The following IMMP2L variants were observed in gnomAD, a reference collection of about 807,000 sequenced individuals.
IMMP2L encodes the protein inner mitochondrial membrane peptidase subunit 2.
IMMP2L carries 18 observed loss-of-function variants against 19.3 expected under a neutral mutation model. The ratio of observed to expected loss-of-function variants is 0.93; its 90% CI spans 0.64 to 1.38. The LOEUF (loss-of-function observed/expected upper bound fraction) is 1.38, where lower values mean the gene tolerates loss of function less well. Ranked by LOEUF, IMMP2L falls within the 40% of genes most tolerant of loss-of-function variation. IMMP2L has a pLI of 0.00. For synonymous variants in IMMP2L, 76 were observed against 73.0 expected (o/e 1.04, Z -0.21); for missense variants, 233 against 218.2 (o/e 1.07, Z -0.43).
chr7:111,101,396 T>C (rs1563242991), intron 3 of IMMP2L, among the ~76,000 whole-genome samples: 2 of 151,416 alleles, frequency 1.3e-5, no homozygotes, highest in Admixed American at 6.6e-5. Flanking sequence ...CAAACTCACT[T>C]GGGTACTTTT....
At chr7:110,932,309 T>A (rs1235874266) in intron 4 of IMMP2L, among the ~76,000 whole-genome samples, 2 of 152,210 alleles carry the variant, frequency 1.3e-5, no homozygotes, top group Non-Finnish European at 2.9e-5. Context: ...CTGAAATCGC[T>A]GCTTCAGAAT....
chr7:111,355,845 T>C (rs1326961114), intron 3 of IMMP2L, among the ~76,000 whole-genome samples: 1 of 152,020 alleles, frequency 6.6e-6, no homozygotes, highest in Non-Finnish European at 1.5e-5. Context: ...TTAATAGTGC[T>C]CTTTAAGTTA....
Position 110,780,889 on chromosome 7 carries a change from G to A in IMMP2L, c.408+105704C>T, listed in dbSNP as rs1799692202. The stretch of plus-strand genomic sequence containing the variant: ...TCATTATTTGCACTCCCTGTCTTGT[G>A]AGTTCAGCAGCTGCATGAGAGAGCA... On this transcript the variant is annotated intron_variant, in intron 5 of 5. Transcript: ENST00000405709. Among the ~76,000 whole-genome samples, 2 of 151,988 alleles carry A rather than the reference G, an allele frequency of 1.3e-5. 1 individual carries two copies. Among genetic ancestry groups the A allele is most frequent in the Admixed American group, 1.3e-4 (2 of 15,226 alleles).
At chr7:110,736,990 A>G (rs1796675538) in intron 5 of IMMP2L, among the ~76,000 whole-genome samples, 1 of 152,140 alleles carries the variant, frequency 6.6e-6, no homozygotes. Context: ...GCGGAATGCT[A>G]CGGTTTGAAT....
At chr7:110,897,841 T>C (rs2129546855) in intron 4 of IMMP2L, among the ~76,000 whole-genome samples, 1 of 152,286 alleles carries the variant, frequency 6.6e-6, no homozygotes, top group South Asian at 2.1e-4. Flanking sequence ...TGATATGATT[T>C]ATCCTTTGTA....
intron 3 of IMMP2L, among the ~76,000 whole-genome samples, chr7:111,236,961 C>T (rs111876315): frequency 6.6e-6 from 1 of 152,188 alleles, no homozygotes; most frequent in Non-Finnish European, 1.5e-5. Context: ...GTTCCTGTAA[C>T]CCCATCTAGG....
At chr7:111,158,340 A>G (rs538529670) in intron 3 of IMMP2L, among the ~76,000 whole-genome samples, 1 of 152,182 alleles carries the variant, frequency 6.6e-6, no homozygotes, top group Non-Finnish European at 1.5e-5. Flanking sequence ...TACCAAATAA[A>G]CTCAACACTA....
intron 3 of IMMP2L, among the ~76,000 whole-genome samples, chr7:111,419,488 T>C (rs961045153): frequency 4.6e-5 from 7 of 151,758 alleles, no homozygotes; most frequent in African/African-American, 1.7e-4. Context: ...AAGTCACTCC[T>C]CTGCTCACTG....
At chr7:111,031,798 T>A (rs1225881997) in intron 3 of IMMP2L, among the ~76,000 whole-genome samples, 1 of 152,122 alleles carries the variant, frequency 6.6e-6, no homozygotes, top group Non-Finnish European at 1.5e-5. Context: ...GCAAACATTA[T>A]TTCAGCCAGG....
chr7:110,933,162 AC>A (rs754269820), intron 4 of IMMP2L, among the ~76,000 whole-genome samples: 1 of 152,204 alleles, frequency 6.6e-6, no homozygotes, highest in East Asian at 1.9e-4. Flanking sequence ...AGAGAAACAG[AC>A]CTAAAGGAAG....
chr7:110,929,663 T>C (rs1213444562), intron 4 of IMMP2L, among the ~76,000 whole-genome samples: 1 of 152,174 alleles, frequency 6.6e-6, no homozygotes, highest in African/African-American at 2.4e-5. Flanking sequence ...CTTTGCATAA[T>C]TCAACAAGGT....
intron 4 of IMMP2L, chr7:110,963,124 AT>A: frequency 6.7e-7 from 1 of 1,492,188 alleles, no homozygotes. Context: ...TAGTTTCTGC[AT>A]TTGCTTCTAA....
chr7:110,947,038 T>A (rs1817326593), intron 4 of IMMP2L, among the ~76,000 whole-genome samples: 1 of 152,116 alleles, frequency 6.6e-6, no homozygotes, highest in Admixed American at 6.6e-5. Flanking sequence ...TTTTTTAAAA[T>A]GGACAATTCT....
intron 3 of IMMP2L, among the ~76,000 whole-genome samples, chr7:111,233,599 G>A (rs1813955424): frequency 6.6e-6 from 1 of 152,074 alleles, no homozygotes; most frequent in South Asian, 2.1e-4. Context: ...GGGAGTAAAT[G>A]TTATTAATTG....
Position 111,322,609 on chromosome 7 carries a change from T to A in IMMP2L, c.239+164629A>T, listed in dbSNP as rs962484557. 5.3e-5 allele frequency among the ~76,000 whole-genome samples: 8 copies of A among 151,324 alleles called. No homozygotes were observed. In the Admixed American group the frequency reaches 5.3e-4, roughly 10 times the overall value. On this transcript the variant is annotated intron_variant, in intron 3 of 5. Transcript: ENST00000405709. Reference sequence around the variant, plus strand: ...AGAAGGAACTGAATTTTAAAAAAAATTAGAAATATACTAATATTAGTAATA... The same window carrying A: ...AGAAGGAACTGAATTTTAAAAAAAAATAGAAATATACTAATATTAGTAATA...
At chr7:111,521,674 C>G (rs1585493147) in intron 1 of IMMP2L, among the ~76,000 whole-genome samples, 2 of 152,200 alleles carry the variant, frequency 1.3e-5, no homozygotes, top group East Asian at 3.9e-4. Context: ...AGTCCACTTG[C>G]TAACTTCAGT....
chr7:110,772,677 G>T (rs1447287752), intron 5 of IMMP2L, among the ~76,000 whole-genome samples: 1 of 152,106 alleles, frequency 6.6e-6, no homozygotes, highest in Non-Finnish European at 1.5e-5. Flanking sequence ...GCTTAACAAG[G>T]TCCACTTCTC....
intron 5 of IMMP2L, among the ~76,000 whole-genome samples, chr7:110,675,479 G>C (rs1479940100): frequency 1.3e-5 from 2 of 152,116 alleles, no homozygotes; most frequent in African/African-American, 2.4e-5. Context: ...TGTCGCATCA[G>C]AAAACCAATT....
chr7:111,196,435 T>C (rs1291527960), intron 3 of IMMP2L, among the ~76,000 whole-genome samples: 3 of 152,098 alleles, frequency 2.0e-5, no homozygotes, highest in African/African-American at 7.2e-5. Flanking sequence ...ACTAGAACAA[T>C]GTGGTATTTT....
Sources: gnomAD v4.1 joint callset for allele counts (sites outside exome capture counted in the v4.1 genomes callset) on GRCh38, gnomAD v4.1.1 for gene constraint, MANE v1.5 for transcripts, NCBI Gene and HGNC (gene_info 2026-07-23, HGNC 2026-07-21) for gene names.